TSPAN11: variants seen among roughly 807,000 people sequenced by gnomAD.
The protein encoded by TSPAN11 is tetraspanin-11.
TSPAN11 carries 29 observed loss-of-function variants against 32.9 expected under a neutral mutation model. The observed-to-expected ratio is 0.88, with a 90% CI of 0.66 to 1.20. The LOEUF (loss-of-function observed/expected upper bound fraction) is 1.20, where lower values mean the gene tolerates loss of function less well. TSPAN11 is among the 50% of genes most tolerant of loss of function. The probability of loss-of-function intolerance (pLI) is 0.00; values close to 1 mark genes in which losing one functional copy is unlikely to be tolerated. For synonymous variants in TSPAN11, 140 were observed against 141.3 expected (o/e 0.99, Z 0.07); for missense variants, 283 against 329.1 (o/e 0.86, Z 1.08).
intron 2 of TSPAN11, among the ~76,000 whole-genome samples, chr12:30,963,538 C>A (rs912006397): frequency 6.6e-6 from 1 of 152,192 alleles, no homozygotes; most frequent in Non-Finnish European, 1.5e-5. Flanking sequence ...GCAGTCCTCT[C>A]CCCTGGCCTC....
intron 5 of TSPAN11, among the ~76,000 whole-genome samples, chr12:30,981,752 G>A (rs866274749): frequency 3.3e-5 from 5 of 152,068 alleles, no homozygotes; most frequent in East Asian, 3.8e-4. Flanking sequence ...AAGTTTCTTC[G>A]CTCCAGGCAC....
chr12:30,948,907 A>G (rs1287985708), intron 1 of TSPAN11, among the ~76,000 whole-genome samples: 2 of 152,198 alleles, frequency 1.3e-5, no homozygotes, highest in Non-Finnish European at 2.9e-5. Context: ...AATGCTTTTA[A>G]TAGCACCCAA....
At chr12:30,951,413 G>T (rs1938378618) in intron 1 of TSPAN11, among the ~76,000 whole-genome samples, 1 of 152,164 alleles carries the variant, frequency 6.6e-6, no homozygotes, top group Non-Finnish European at 1.5e-5. Flanking sequence ...TTCCTCCTTT[G>T]CCCTGGTAGA....
chr12:30,993,625 GA>G lies in TSPAN11; in HGVS notation c.*1711del, dbSNP rs1425529681. The G allele has an allele frequency of 6.6e-6, 1 of 152,256 alleles. No homozygotes were observed. The highest frequency in any genetic ancestry group is 1.5e-5 in the Non-Finnish European group (1 of 68,064). 9.4% of individuals were successfully genotyped at this position (152,256 alleles called of 1,614,324 possible). On this transcript the variant is annotated 3_prime_UTR_variant, in exon 8 of 8. Transcript: ENST00000546076. ...AAGACCAGATATCCCAGACTGCACA[GA>G]GGCCGAGAGAAATGGTATAGTGCGT... is the stretch of plus-strand genomic sequence containing the variant.
At chr12:30,972,230 G>A (rs1229092745) in intron 3 of TSPAN11, among the ~76,000 whole-genome samples, 4 of 152,172 alleles carry the variant, frequency 2.6e-5, no homozygotes, top group Admixed American at 2.6e-4. Flanking sequence ...AGGTCAGTGG[G>A]ATAGGTTCAG....
chr12:30,933,657 G>A (rs868034449), intron 1 of TSPAN11, among the ~76,000 whole-genome samples: 6 of 152,142 alleles, frequency 3.9e-5, no homozygotes, highest in Non-Finnish European at 7.4e-5. Flanking sequence ...AAATTGTCAG[G>A]TCAAGCAAAC....
intron 3 of TSPAN11, among the ~76,000 whole-genome samples, chr12:30,970,182 T>G (rs1351688522): frequency 6.6e-6 from 1 of 152,208 alleles, no homozygotes; most frequent in Admixed American, 6.5e-5. Flanking sequence ...CAGAATCCGC[T>G]GAACACCATC....
chr12:30,928,542 G>A (rs1015003327), intron 1 of TSPAN11, among the ~76,000 whole-genome samples: 1 of 152,146 alleles, frequency 6.6e-6, no homozygotes, highest in South Asian at 2.1e-4. Context: ...GTCCACCCTC[G>A]GATGTCACCT....
At chr12:30,998,721 A>G (rs965573568), downstream of TSPAN11, among the ~76,000 whole-genome samples, 23 of 152,232 alleles carry the variant, frequency 1.5e-4, no homozygotes, top group Non-Finnish European at 2.6e-4. Context: ...TAAGGACATA[A>G]TAAAGCCAGC....
At chr12:30,959,554 A>G (rs1348040804) in intron 2 of TSPAN11, among the ~76,000 whole-genome samples, 8 of 152,218 alleles carry the variant, frequency 5.3e-5, no homozygotes, top group African/African-American at 1.4e-4. Flanking sequence ...CTGAGTTACT[A>G]GGTAACCACA....
intron 3 of TSPAN11, among the ~76,000 whole-genome samples, chr12:30,970,436 AC>A (rs951229167): frequency 2.6e-5 from 4 of 151,902 alleles, no homozygotes; most frequent in African/African-American, 4.8e-5. Context: ...ATCTCCTTAG[AC>A]CCCCAACATT....
intron 1 of TSPAN11, among the ~76,000 whole-genome samples, chr12:30,946,400 C>T (rs1938267652): frequency 6.6e-6 from 1 of 152,198 alleles, no homozygotes; most frequent in Non-Finnish European, 1.5e-5. Context: ...GGAAAACAAA[C>T]ACCCCGAGAA....
intron 1 of TSPAN11, among the ~76,000 whole-genome samples, chr12:30,950,503 G>A (rs1938361238): frequency 6.6e-6 from 1 of 152,208 alleles, no homozygotes; most frequent in South Asian, 2.1e-4. Context: ...GAGACCTGCT[G>A]TGCCTCAGCA....
chr12:30,943,171 C>T (rs1592464836), intron 1 of TSPAN11, among the ~76,000 whole-genome samples: 1 of 152,220 alleles, frequency 6.6e-6, no homozygotes, highest in Non-Finnish European at 1.5e-5. Context: ...CCCACAGCCC[C>T]GACTGGGGTC....
the TSPAN11 span, among the ~76,000 whole-genome samples, chr12:31,011,691 A>G: frequency 6.6e-6 from 1 of 152,136 alleles, no homozygotes; most frequent in Non-Finnish European, 1.5e-5. Flanking sequence ...GCCACCAAAA[A>G]AAAAAGGAAA....
chr12:31,002,302 A>G, the TSPAN11 span, among the ~76,000 whole-genome samples: 9 of 152,092 alleles, frequency 5.9e-5, no homozygotes, highest in Non-Finnish European at 2.9e-5. This position sits in a 1 kb window ranked among gnomAD's most constrained non-coding sequence, Gnocchi z 4.8. Flanking sequence ...AGCTCCACAC[A>G]CAGAGGGGTT....
chr12:30,956,070 A>G (rs921513035), intron 2 of TSPAN11, among the ~76,000 whole-genome samples: 2 of 152,170 alleles, frequency 1.3e-5, no homozygotes, highest in Non-Finnish European at 2.9e-5. Flanking sequence ...GGGAGTGTCA[A>G]TGGGGATCTA....
At chr12:30,942,167 G>A (rs1468929828) in intron 1 of TSPAN11, among the ~76,000 whole-genome samples, 5 of 152,152 alleles carry the variant, frequency 3.3e-5, no homozygotes, top group Admixed American at 6.5e-5. Context: ...GTCCTTCATC[G>A]GGAAGCTCTT....
chr12:31,010,019 A>G, the TSPAN11 span, among the ~76,000 whole-genome samples: 3 of 152,194 alleles, frequency 2.0e-5, no homozygotes, highest in African/African-American at 7.2e-5. Context: ...AGGCTAAGTG[A>G]CTTGCCCGCA....
Sources: gnomAD v4.1 joint callset for allele counts (sites outside exome capture counted in the v4.1 genomes callset) on GRCh38, gnomAD v4.1.1 for gene constraint, Gnocchi (gnomAD v3.1) non-coding constraint, MANE v1.5 for transcripts, NCBI Gene and HGNC (gene_info 2026-07-23, HGNC 2026-07-21) for gene names.